SACM1L: variants seen among roughly 807,000 people sequenced by gnomAD.
SACM1L encodes phosphatidylinositol-3-phosphatase SAC1.
A neutral mutation model predicts 89.5 loss-of-function variants in SACM1L; 32 were observed. That is an observed-to-expected ratio of 0.36 (90% CI 0.27 to 0.48). The LOEUF is 0.48. Ranked by LOEUF, SACM1L falls within the 20% of genes least tolerant of loss-of-function variation. SACM1L has a pLI of 0.99. For missense variants in SACM1L, 543 were observed against 708.5 expected (o/e 0.77, Z 2.65); for synonymous variants, 213 against 232.8 (o/e 0.92, Z 0.77).
At chr3:45,705,258 G>A in intron 3 of SACM1L, 49 bp downstream of exon 3, 1 of 1,098,206 alleles carries the variant, frequency 9.1e-7, no homozygotes, top group Non-Finnish European at 1.4e-6. Context: ...TAGCAAGGTA[G>A]TTAAATTGTT....
intron 1 of SACM1L, among the ~76,000 whole-genome samples, chr3:45,702,732 T>C (rs557536555): frequency 7.9e-5 from 12 of 152,360 alleles, no homozygotes; most frequent in African/African-American, 2.6e-4. Context: ...CCAACTGTTA[T>C]TTTTGTTAGA....
At position 45,722,230 on chromosome 3, in the gene SACM1L, A is replaced by G. The variant is rs557538393; in HGVS notation, c.765+145A>G. ...TATGGTGCAGAAAAAGTTCACCCCAAAAAAGGAAAATCCATTAATCTGGCA... is the reference window on the plus strand; with the variant it reads ...TATGGTGCAGAAAAAGTTCACCCCAGAAAAGGAAAATCCATTAATCTGGCA... On this transcript the variant is annotated intron_variant, in intron 9 of 19. Transcript: ENST00000389061. The G allele has an allele frequency of 1.2e-5, 7 of 589,248 alleles. No individual in the cohort carries two copies. The South Asian group carries it at 1.6e-4, about 13-fold the overall frequency. The allele number at this position is 589,248 out of a possible 1,614,324, so 36.5% of individuals were successfully genotyped here. A position where few individuals can be genotyped will look rare whatever the true frequency, so the allele number is the denominator to read the frequency against.
At chr3:45,740,350 C>T (rs1363625133) in intron 19 of SACM1L, among the ~76,000 whole-genome samples, 1 of 152,088 alleles carries the variant, frequency 6.6e-6, no homozygotes, top group Non-Finnish European at 1.5e-5. Context: ...TTTACATTGT[C>T]AGGGTGAGGG....
chr3:45,734,105 A>G (rs1575410135), intron 13 of SACM1L, among the ~76,000 whole-genome samples: 1 of 145,044 alleles, frequency 6.9e-6, no homozygotes, highest in Admixed American at 7.2e-5. Flanking sequence ...TGTATTACCC[A>G]TTTAAGAATT....
chr3:45,703,484 G>C lies in SACM1L; in HGVS notation c.79G>C (p.Ala27Pro). Residue 27 changes from alanine to proline, a missense_variant, in exon 2 of 20, where the codon GCA (alanine) becomes CCA (proline). Ala to Pro is a conservative substitution (Grantham distance 27). Coordinates refer to ENST00000389061, the MANE Select transcript of SACM1L (RefSeq NM_014016.5). ...TTATGTGGAAGCTTGTGATGATGGAGCAGATGACGTACTTACCATTGACCG... is the reference window on the plus strand; with the variant it reads ...TTATGTGGAAGCTTGTGATGATGGACCAGATGACGTACTTACCATTGACCG... ...KFYVEACDDG[A>P]DDVLTIDRVS... 1.9e-6 allele frequency: 3 copies of C among 1,613,270 alleles called. No homozygotes were observed. The highest frequency in any genetic ancestry group is 2.5e-6 in the Non-Finnish European group (3 of 1,179,392).
chr3:45,732,771 A>C (rs1002086577), intron 13 of SACM1L, among the ~76,000 whole-genome samples: 10 of 152,182 alleles, frequency 6.6e-5, no homozygotes, highest in Non-Finnish European at 1.5e-4. Flanking sequence ...ACCATACTCT[A>C]TGCGTGCCAG....
chr3:45,721,987 T>C lies in SACM1L; in HGVS notation c.680-13T>C. On this transcript the variant is annotated splice_polypyrimidine_tract_variant and intron_variant, in intron 8 of 19. Coordinates refer to ENST00000389061, the MANE Select transcript of SACM1L (RefSeq NM_014016.5). ...AATCAGTATAGTTAATTCTTAATTT[T>C]TTTTCTATTTAGGAATTGATTCGGA... 1 of 1,580,334 alleles carries C rather than the reference T, an allele frequency of 6.3e-7. No homozygotes were observed. The highest frequency in any genetic ancestry group is 1.7e-5 in the Admixed American group (1 of 59,596).
Position 45,722,030 on chromosome 3 carries a change from T to G in SACM1L, c.710T>G (p.Phe237Cys). ...GIDSEGHAANFVETEQIVHYN... is the reference protein window; with the variant it reads ...GIDSEGHAANCVETEQIVHYN... ...GATTCGGAAGGCCATGCAGCTAACT[T>G]TGTAGAAACAGAACAAATTGTGCAC... is the stretch of plus-strand genomic sequence containing the variant. Residue 237 changes from phenylalanine (F) to cysteine (C), a missense_variant, in exon 9 of 20, where the codon TTT becomes TGT. Coordinates refer to ENST00000389061, the MANE Select transcript of SACM1L (RefSeq NM_014016.5). The G allele has an allele frequency of 1.2e-6, 2 of 1,612,846 alleles. No individual in the cohort carries two copies. Among genetic ancestry groups the G allele is most frequent in the Non-Finnish European group, 1.7e-6 (2 of 1,179,392 alleles).
At chr3:45,729,361 A>G (rs1412917399) in intron 11 of SACM1L, among the ~76,000 whole-genome samples, 2 of 152,178 alleles carry the variant, frequency 1.3e-5, no homozygotes. Context: ...CTGGGATTAC[A>G]GGTGTGAGCT....
chr3:45,707,107 TA>T, intron 4 of SACM1L, 200 bp downstream of exon 4: 8 of 419,398 alleles, frequency 1.9e-5, no homozygotes, highest in East Asian at 8.5e-5. Flanking sequence ...TTTTTTTTTT[TA>T]AAGATTCAGT....
intron 7 of SACM1L, among the ~76,000 whole-genome samples, chr3:45,719,153 C>A (rs190835959): frequency 1.3e-5 from 2 of 152,114 alleles, no homozygotes; most frequent in Admixed American, 6.5e-5. Context: ...GAAAGTTAAT[C>A]TATTTTAAAT....
At chr3:45,702,790 G>C (rs1035415052) in intron 1 of SACM1L, among the ~76,000 whole-genome samples, 1 of 151,664 alleles carries the variant, frequency 6.6e-6, no homozygotes, top group African/African-American at 2.4e-5. Flanking sequence ...TCTCAACCGT[G>C]TTTCTACCTC....
intron 13 of SACM1L, among the ~76,000 whole-genome samples, chr3:45,733,157 G>T (rs1699117978): frequency 2.0e-5 from 3 of 152,180 alleles, no homozygotes; most frequent in African/African-American, 7.2e-5. Context: ...GAAAGAAGGA[G>T]AGTTGACTCC....
intron 18 of SACM1L, among the ~76,000 whole-genome samples, chr3:45,739,244 C>T (rs1416574283): frequency 1.3e-5 from 2 of 152,070 alleles, no homozygotes; most frequent in Non-Finnish European, 2.9e-5. Context: ...TTCACCAGAC[C>T]CTGCAAGAGC....
At chr3:45,721,917 C>T in intron 8 of SACM1L, 83 bp from the exon 9 acceptor site, 1 of 888,422 alleles carries the variant, frequency 1.1e-6, no homozygotes, top group East Asian at 2.6e-5. Flanking sequence ...TTAATTCTCT[C>T]CAAGTTAACC....
intron 3 of SACM1L, 22 bp from the exon 4 acceptor site, chr3:45,706,758 G>A: frequency 6.3e-7 from 1 of 1,575,040 alleles, no homozygotes; most frequent in South Asian, 1.1e-5. Context: ...ATAATTATGT[G>A]TGTTTGGCTT....
chr3:45,723,963 C>CA (rs1553653895), intron 11 of SACM1L, among the ~76,000 whole-genome samples: 1 of 90,432 alleles, frequency 1.1e-5, no homozygotes, highest in Non-Finnish European at 2.5e-5. Context: ...CACACACACA[C>CA]AGACACACAC....
intron 4 of SACM1L, among the ~76,000 whole-genome samples, chr3:45,707,674 G>C (rs1034910298): frequency 6.6e-6 from 1 of 152,174 alleles, no homozygotes; most frequent in Non-Finnish European, 1.5e-5. Context: ...TGTGACGAAA[G>C]GGATGACAGT....
chr3:45,712,674 G>A (rs1412379768), intron 5 of SACM1L, among the ~76,000 whole-genome samples: 2 of 152,192 alleles, frequency 1.3e-5, no homozygotes, highest in African/African-American at 4.8e-5. Context: ...CAGAGATTTG[G>A]TTCTTTAGAT....
Sources: allele counts gnomAD v4.1 joint callset (sites outside exome capture counted in the v4.1 genomes callset), GRCh38; gene constraint gnomAD v4.1.1; transcripts MANE v1.5; gene names NCBI Gene and HGNC (gene_info 2026-07-23, HGNC 2026-07-21).